EFEMP1: variants seen among roughly 807,000 people sequenced by gnomAD.
EFEMP1 encodes the protein EGF-containing fibulin-like extracellular matrix protein 1.
EFEMP1 carries 18 observed loss-of-function variants against 65.7 expected under a neutral mutation model. The observed-to-expected ratio is 0.27, with a 90% CI of 0.19 to 0.41. The LOEUF is 0.41. Among genes scored for constraint, EFEMP1 ranks in the 10% least tolerant of loss-of-function variants. The pLI is 1.00. For missense variants in EFEMP1, 469 were observed against 624.8 expected, an observed-to-expected ratio of 0.75 and a Z score of 2.66; for synonymous variants, 237 against 219.7, an observed-to-expected ratio of 1.08 and a Z score of -0.70.
intron 6 of EFEMP1, among the ~76,000 whole-genome samples, chr2:55,880,034 T>C (rs779532380): frequency 9.2e-5 from 14 of 152,128 alleles, no homozygotes; most frequent in Non-Finnish European, 1.5e-4. Flanking sequence ...GGGAATGTTT[T>C]TGTTGTGTAA....
At chr2:55,899,888 G>T (rs1339043499) in intron 5 of EFEMP1, among the ~76,000 whole-genome samples, 1 of 152,134 alleles carries the variant, frequency 6.6e-6, no homozygotes, top group South Asian at 2.1e-4. Flanking sequence ...ACAATTTCTG[G>T]GGGGGAAGTC....
rs1469210218 is a variant in EFEMP1 at position 55,873,325 on chromosome 2, T to C, written c.1000+1621A>G. ...TTGGCTTAACCAAACATTCTGAAGCTGCATATCTTCAATATATAACATTTA... is the reference window on the plus strand; with the variant it reads ...TTGGCTTAACCAAACATTCTGAAGCCGCATATCTTCAATATATAACATTTA... On this transcript the variant is annotated intron_variant, in intron 9 of 11. Coordinates refer to ENST00000355426, the MANE Select transcript of EFEMP1 (RefSeq NM_001039348.3). This position sits in a 1 kb window ranked among gnomAD's most constrained non-coding sequence, Gnocchi z 4.6. 6.6e-6 allele frequency among the ~76,000 whole-genome samples: 1 copy of C among 152,110 alleles called. No individual in the cohort carries two copies. Among genetic ancestry groups the C allele is most frequent in the African/African-American group, 2.4e-5 (1 of 41,446 alleles).
intron 5 of EFEMP1, among the ~76,000 whole-genome samples, chr2:55,893,159 A>C (rs556542547): frequency 8.5e-5 from 13 of 152,214 alleles, no homozygotes; most frequent in Admixed American, 7.8e-4. Flanking sequence ...TCTTTTCATG[A>C]GTTTCAGAAT....
At chr2:55,869,024 A>G (rs1420948788) in intron 11 of EFEMP1, among the ~76,000 whole-genome samples, 1 of 152,152 alleles carries the variant, frequency 6.6e-6, no homozygotes, top group African/African-American at 2.4e-5. Context: ...ATAATTTAAC[A>G]TTAACTCTGG....
rs531907249 is a variant in EFEMP1, at chr2:55,918,443, G to C, written c.82-176C>G. Among the ~76,000 whole-genome samples, 6 of 152,160 alleles carry C rather than the reference G, an allele frequency of 3.9e-5. No homozygotes were observed. The East Asian group carries it at 1.2e-3, about 29-fold the overall frequency. On this transcript the variant is annotated intron_variant, in intron 3 of 11. Coordinates refer to ENST00000355426, the MANE Select transcript of EFEMP1 (RefSeq NM_001039348.3). ...CGCTTTTTTTTCAAAAGACAAGTCT[G>C]TGCATTGGACAGCTTCGGGGGTCCA...
At chr2:55,881,266 G>A (rs1669229418) in intron 6 of EFEMP1, among the ~76,000 whole-genome samples, 1 of 152,220 alleles carries the variant, frequency 6.6e-6, no homozygotes, top group African/African-American at 2.4e-5. Context: ...GCTATGCTCT[G>A]CAGCAGTGAA....
In EFEMP1 at chr2:55,921,740, C is replaced by G. The variant is rs1391252044; in HGVS notation, c.81+620G>C. On this transcript the variant is annotated intron_variant, in intron 3 of 11. Coordinates refer to ENST00000355426, the MANE Select transcript of EFEMP1 (RefSeq NM_001039348.3). This position sits in a 1 kb window ranked among gnomAD's most constrained non-coding sequence, Gnocchi z 4.1. ...ATATTACTTGGAAATATCAGAGACG[C>G]TAATTAGAAAATGCAAAACGGAGTT... Among the ~76,000 whole-genome samples, 2 of 152,170 alleles carry G rather than the reference C, an allele frequency of 1.3e-5. No homozygotes were observed. The highest frequency in any genetic ancestry group is 2.9e-5 in the Non-Finnish European group (2 of 68,038).
Position 55,922,652 on chromosome 2 carries a change from T to G in EFEMP1, c.-7-205A>C, listed in dbSNP as rs1046830734. On this transcript the variant is annotated intron_variant, in intron 2 of 11. Coordinates refer to ENST00000355426, the MANE Select transcript of EFEMP1 (RefSeq NM_001039348.3). This position sits in a 1 kb window ranked among gnomAD's most constrained non-coding sequence, Gnocchi z 5.5. Reference sequence around the variant, plus strand: ...AACGAGGCAGCAAAGACGTAAAAACTGCTGTAGAATTGCATTTCACGTTAC... The same window carrying G: ...AACGAGGCAGCAAAGACGTAAAAACGGCTGTAGAATTGCATTTCACGTTAC... 8.8e-6 allele frequency: 5 copies of G among 570,806 alleles called. No homozygotes were observed. In the African/African-American group the frequency reaches 9.4e-5, roughly 11 times the overall value. The allele number at this position is 570,806 out of a possible 1,614,324, so 35.4% of individuals were successfully genotyped here.
chr2:55,867,118 G>T lies in EFEMP1; in HGVS notation c.1437C>A (p.Ser479Arg), dbSNP rs2104360214. ...TVSSIGTFRT[S>R]SVLRLTIIVG... ...CTATTATTGTCAATCTTAACACAGA[G>T]CTTGTGCGGAAGGTCCCTATACTGC... is the stretch of plus-strand genomic sequence containing the variant. The change falls in exon 12 of 12, where the codon AGC becomes AGA. Residue 479 changes from serine to arginine, a missense_variant. This residue lies in a region of EFEMP1 where 399 missense variants were observed against 528.2 expected (regional missense o/e 0.76). Coordinates refer to ENST00000355426, the MANE Select transcript of EFEMP1 (RefSeq NM_001039348.3). The surrounding 1 kb of genome is among the most constrained non-coding windows in gnomAD (Gnocchi z 4.3). 6 of 1,613,618 alleles carry T rather than the reference G, an allele frequency of 3.7e-6. No homozygotes were observed. The South Asian group carries it at 6.6e-5, about 18-fold the overall frequency.
intron 11 of EFEMP1, among the ~76,000 whole-genome samples, chr2:55,868,353 C>T (rs1368797958): frequency 6.6e-6 from 1 of 151,976 alleles, no homozygotes; most frequent in Admixed American, 6.6e-5. Context: ...TCTCATTATG[C>T]TCATATTCTA....
In EFEMP1 at chr2:55,873,416, A is replaced by C. The variant is rs1668900750; in HGVS notation, c.1000+1530T>G. Among the ~76,000 whole-genome samples the C allele has an allele frequency of 6.6e-6, 1 of 152,074 alleles. No individual in the cohort carries two copies. The highest frequency in any genetic ancestry group is 6.6e-5 in the Admixed American group (1 of 15,248). ...AATTACAATAGATATAAATGTTTCC[A>C]CATAGATAGGCTAGGCAGGTCGGAT... is the stretch of plus-strand genomic sequence containing the variant. On this transcript the variant is annotated intron_variant, in intron 9 of 11. Coordinates refer to ENST00000355426, the MANE Select transcript of EFEMP1 (RefSeq NM_001039348.3). The surrounding 1 kb of genome is among the most constrained non-coding windows in gnomAD (Gnocchi z 4.6).
At chr2:55,905,740 C>T (rs1365967311) in intron 5 of EFEMP1, among the ~76,000 whole-genome samples, 10 of 152,092 alleles carry the variant, frequency 6.6e-5, no homozygotes, top group Admixed American at 4.6e-4. Flanking sequence ...TGAGCCACCG[C>T]GCCCAGCCTG....
Position 55,866,993 on chromosome 2 carries a change from T to C in EFEMP1, c.*80A>G. The C allele has an allele frequency of 6.5e-7, 1 of 1,545,166 alleles. No individual in the cohort carries two copies. Among genetic ancestry groups the C allele is most frequent in the Non-Finnish European group, 8.9e-7 (1 of 1,121,100 alleles). On this transcript the variant is annotated 3_prime_UTR_variant, in exon 12 of 12. Coordinates refer to ENST00000355426, the MANE Select transcript of EFEMP1 (RefSeq NM_001039348.3). ...TATAGAGATGTAGATGCACTAGATA[T>C]ATCTATAAATAAAATAGTGCTTTAA... is the stretch of plus-strand genomic sequence containing the variant.
chr2:55,888,934 T>G (rs1274952656), intron 5 of EFEMP1, among the ~76,000 whole-genome samples: 2 of 152,188 alleles, frequency 1.3e-5, no homozygotes, highest in Non-Finnish European at 2.9e-5. Context: ...TCCCGGCCAC[T>G]TGATCTCTCC....
chr2:55,897,215 G>C (rs1669862487), intron 5 of EFEMP1, among the ~76,000 whole-genome samples: 1 of 152,088 alleles, frequency 6.6e-6, no homozygotes, highest in Non-Finnish European at 1.5e-5. Flanking sequence ...CACCCACTAT[G>C]CTTTGCATTT....
intron 5 of EFEMP1, among the ~76,000 whole-genome samples, chr2:55,909,834 T>G (rs1433473675): frequency 6.6e-6 from 1 of 152,232 alleles, no homozygotes; most frequent in Non-Finnish European, 1.5e-5. Context: ...TTTTATTATT[T>G]GATAACTCAT....
intron 6 of EFEMP1, among the ~76,000 whole-genome samples, chr2:55,879,949 G>T (rs956153220): frequency 6.6e-6 from 1 of 152,084 alleles, no homozygotes; most frequent in Non-Finnish European, 1.5e-5. Context: ...ATTATATTTG[G>T]GTAAATCATA....
At chr2:55,914,369 C>A (rs937746684) in intron 5 of EFEMP1, among the ~76,000 whole-genome samples, 4 of 152,126 alleles carry the variant, frequency 2.6e-5, no homozygotes, top group African/African-American at 7.2e-5. Flanking sequence ...ATTTCAAACT[C>A]CTTGTTTTTG....
rs533677566 is a variant in EFEMP1 at position 55,903,858 on chromosome 2, A to C, written c.517+13807T>G. 6.6e-4 allele frequency among the ~76,000 whole-genome samples: 101 copies of C among 152,268 alleles called. 2 individuals carry two copies. In the Middle Eastern group the frequency reaches 0.044, roughly 67 times the overall value. On this transcript the variant is annotated intron_variant, in intron 5 of 11. Coordinates refer to ENST00000355426, the MANE Select transcript of EFEMP1 (RefSeq NM_001039348.3). ...ATTACAATATCTTATGAGATACTTTAGGAGAATCTACTTTTGATTGGTATA... is the reference window on the plus strand; with the variant it reads ...ATTACAATATCTTATGAGATACTTTCGGAGAATCTACTTTTGATTGGTATA...
Sources: gnomAD v4.1 joint callset for allele counts (sites outside exome capture counted in the v4.1 genomes callset) on GRCh38, gnomAD v4.1.1 for gene constraint, gnomAD v4.1.1 regional missense constraint, Gnocchi (gnomAD v3.1) non-coding constraint, MANE v1.5 for transcripts, NCBI Gene and HGNC (gene_info 2026-07-23, HGNC 2026-07-21) for gene names.